Variants in MDGA2 observed in about 807,000 individuals in gnomAD.
The protein encoded by MDGA2 is MAM domain-containing glycosylphosphatidylinositol anchor protein 2.
MDGA2 carries 40 observed loss-of-function variants against 117.8 expected under a neutral mutation model. That is an observed-to-expected ratio of 0.34 (90% CI 0.26 to 0.44). The LOEUF is 0.44. Among genes scored for constraint, MDGA2 ranks in the 20% least tolerant of loss-of-function variants. MDGA2 has a pLI of 1.00. For synonymous variants in MDGA2, 452 were observed against 439.0 expected (o/e 1.03, Z -0.37); for missense variants, 1,123 against 1,250.6 (o/e 0.90, Z 1.54).
At chr14:46,897,431 T>C (rs1883117647) in intron 10 of MDGA2, among the ~76,000 whole-genome samples, 1 of 152,150 alleles carries the variant, frequency 6.6e-6, no homozygotes, top group Non-Finnish European at 1.5e-5. Flanking sequence ...ATATTTTGAA[T>C]GGCAAATAAC....
intron 1 of MDGA2, among the ~76,000 whole-genome samples, chr14:47,640,147 T>C (rs985672215): frequency 7.9e-5 from 12 of 152,178 alleles, no homozygotes; most frequent in African/African-American, 2.9e-4. Context: ...GTAAGTCATA[T>C]ATTTCTCCAT....
chr14:47,031,503 T>C (rs1457115706), intron 8 of MDGA2, among the ~76,000 whole-genome samples: 3 of 152,130 alleles, frequency 2.0e-5, no homozygotes, highest in Non-Finnish European at 4.4e-5. Flanking sequence ...GTTCCAGAAT[T>C]TGTCAATGTA....
At chr14:47,557,007 C>G (rs924935616) in intron 1 of MDGA2, among the ~76,000 whole-genome samples, 1 of 152,194 alleles carries the variant, frequency 6.6e-6, no homozygotes, top group African/African-American at 2.4e-5. Flanking sequence ...GAATGCCACA[C>G]TCTCTGACAC....
intron 1 of MDGA2, among the ~76,000 whole-genome samples, chr14:47,561,659 A>G (rs1049982905): frequency 1.3e-4 from 20 of 152,164 alleles, no homozygotes; most frequent in African/African-American, 4.8e-4. Context: ...GTGTTGAATC[A>G]TATAGTCTGC....
At chr14:47,595,561 A>C (rs1330421686) in intron 1 of MDGA2, among the ~76,000 whole-genome samples, 12 of 150,400 alleles carry the variant, frequency 8.0e-5, no homozygotes, top group South Asian at 2.1e-4. Context: ...AAAAAACAAA[A>C]AAAAAAAAAA....
At chr14:47,002,712 G>A (rs1317129884) in intron 8 of MDGA2, among the ~76,000 whole-genome samples, 1 of 151,724 alleles carries the variant, frequency 6.6e-6, no homozygotes, top group Non-Finnish European at 1.5e-5. Flanking sequence ...CTAGGCAACA[G>A]AGCAAGACTC....
rs368148444 is a variant in MDGA2 at position 47,035,093 on chromosome 14, T to C, written c.1737A>G (p.Ser579=). The C allele has an allele frequency of 1.2e-6, 2 of 1,614,168 alleles. No individual in the cohort carries two copies. The highest frequency in any genetic ancestry group is 1.7e-6 in the Non-Finnish European group (2 of 1,180,022). Residue 579 remains serine (S), a synonymous_variant, in exon 8 of 17, where the codon TCA becomes TCG. Coordinates refer to ENST00000399232, the MANE Select transcript of MDGA2 (RefSeq NM_001113498.3). Reference sequence around the variant, plus strand: ...GGCTGGTCTGACATCTGTACATTCCTGACATTTCCCTAGATACATTCACAA... The same window carrying C: ...GGCTGGTCTGACATCTGTACATTCCCGACATTTCCCTAGATACATTCACAA... ...LRIVNVSREM[S]GMYRCQTSQY... is the part of the protein sequence containing the mutation.
intron 3 of MDGA2, among the ~76,000 whole-genome samples, chr14:47,145,546 T>A (rs1295943271): frequency 6.6e-6 from 1 of 152,186 alleles, no homozygotes; most frequent in African/African-American, 2.4e-5. Context: ...AAACTTAGTA[T>A]ATACTTTAAG....
At position 47,154,467 on chromosome 14, in the gene MDGA2, C is replaced by T. The variant is rs542779001; in HGVS notation, c.596-10193G>A. Among the ~76,000 whole-genome samples, 8 of 152,256 alleles carry T rather than the reference C, an allele frequency of 5.3e-5. No individual in the cohort carries two copies. The South Asian group carries it at 1.0e-3, about 20-fold the overall frequency. ...CCCAGGCACAGCTGCAGCCACCCAGCCGCAGCAGTGGACCCGGACATCCCT... is the reference window on the plus strand; with the variant it reads ...CCCAGGCACAGCTGCAGCCACCCAGTCGCAGCAGTGGACCCGGACATCCCT... On this transcript the variant is annotated intron_variant, in intron 3 of 16. Coordinates refer to ENST00000399232, the MANE Select transcript of MDGA2 (RefSeq NM_001113498.3).
chr14:47,546,523 C>A (rs1244853357), intron 1 of MDGA2, among the ~76,000 whole-genome samples: 1 of 152,032 alleles, frequency 6.6e-6, no homozygotes, highest in South Asian at 2.1e-4. Flanking sequence ...ATGAAGAGAA[C>A]CATCATATTT....
intron 10 of MDGA2, among the ~76,000 whole-genome samples, chr14:46,897,830 A>C (rs1883139200): frequency 6.6e-6 from 1 of 151,990 alleles, no homozygotes; most frequent in Admixed American, 6.6e-5. Flanking sequence ...AATATGAAAA[A>C]CATGGAGATA....
intron 8 of MDGA2, among the ~76,000 whole-genome samples, chr14:46,968,093 G>A (rs571498610): frequency 6.6e-6 from 1 of 152,318 alleles, no homozygotes; most frequent in Admixed American, 6.5e-5. Flanking sequence ...AATTGCTCCA[G>A]AACTGTGACC....
At chr14:47,359,969 A>G (rs2138367618) in intron 1 of MDGA2, among the ~76,000 whole-genome samples, 2 of 152,286 alleles carry the variant, frequency 1.3e-5, no homozygotes, top group Admixed American at 1.3e-4. Flanking sequence ...TTTGTGAACC[A>G]TATAGCTGAT....
At chr14:46,877,391 A>G in intron 12 of MDGA2, 98 bp downstream of exon 12, 1 of 658,018 alleles carries the variant, frequency 1.5e-6, no homozygotes, top group Non-Finnish European at 2.5e-6. Flanking sequence ...TTTTAAACCA[A>G]CTAAGAATAG....
At chr14:47,500,944 A>G (rs1382282801) in intron 1 of MDGA2, among the ~76,000 whole-genome samples, 3 of 152,188 alleles carry the variant, frequency 2.0e-5, no homozygotes, top group Non-Finnish European at 4.4e-5. Context: ...CAGTGAAATA[A>G]TAATAGATCT....
intron 3 of MDGA2, among the ~76,000 whole-genome samples, chr14:47,170,278 C>A (rs1248018289): frequency 2.0e-5 from 3 of 152,030 alleles, no homozygotes; most frequent in African/African-American, 7.2e-5. Context: ...TAAGAAACAG[C>A]AATAAGAAAT....
At chr14:47,000,766 C>G (rs1038157461) in intron 8 of MDGA2, among the ~76,000 whole-genome samples, 2 of 151,640 alleles carry the variant, frequency 1.3e-5, no homozygotes, top group African/African-American at 4.8e-5. Context: ...TTTTAGCATG[C>G]AAAGGAAGCT....
At chr14:47,166,789 A>T (rs111694549) in intron 3 of MDGA2, among the ~76,000 whole-genome samples, 160 of 152,350 alleles carry the variant, frequency 1.1e-3, no homozygotes, top group African/African-American at 3.7e-3. Flanking sequence ...AGCATATTAC[A>T]CACGACTCCA....
At chr14:46,998,765 T>G (rs1388938588) in intron 8 of MDGA2, among the ~76,000 whole-genome samples, 6 of 152,122 alleles carry the variant, frequency 3.9e-5, no homozygotes, top group African/African-American at 1.4e-4. Context: ...ATTAACTAAA[T>G]ATGTGTATGA....
Sources: gnomAD v4.1 joint callset for allele counts (sites outside exome capture counted in the v4.1 genomes callset) on GRCh38, gnomAD v4.1.1 for gene constraint, MANE v1.5 for transcripts, NCBI Gene and HGNC (gene_info 2026-07-23, HGNC 2026-07-21) for gene names.